PIP5K1C: variants seen among roughly 807,000 people sequenced by gnomAD.
PIP5K1C encodes phosphatidylinositol 4-phosphate 5-kinase type-1 gamma.
In PIP5K1C, 45 loss-of-function variants were observed where a neutral mutation model predicts 80.1. That is an observed-to-expected ratio of 0.56 (90% CI 0.44 to 0.72). The LOEUF is 0.72. Among genes scored for constraint, PIP5K1C ranks in the 30% least tolerant of loss-of-function variants. The probability of loss-of-function intolerance (pLI) is 0.00; values close to 1 mark genes in which losing one functional copy is unlikely to be tolerated. For missense variants in PIP5K1C, 753 were observed against 954.6 expected (o/e 0.79, Z 2.78); for synonymous variants, 498 against 420.1 (o/e 1.19, Z -2.27).
chr19:3,698,026 C>T (rs568608802), intron 1 of PIP5K1C, among the ~76,000 whole-genome samples: 1 of 152,372 alleles, frequency 6.6e-6, no homozygotes, highest in East Asian at 1.9e-4. Context: ...AGGACGATGA[C>T]ACTGGGAGCT....
chr19:3,640,509 C>T (rs2033916188), intron 15 of PIP5K1C, among the ~76,000 whole-genome samples: 1 of 152,144 alleles, frequency 6.6e-6, no homozygotes, highest in African/African-American at 2.4e-5. Context: ...GAGCGAGATT[C>T]TGTCTCAAAG....
chr19:3,675,788 G>A (rs553798363), intron 1 of PIP5K1C, among the ~76,000 whole-genome samples: 21 of 152,278 alleles, frequency 1.4e-4, no homozygotes, highest in African/African-American at 4.3e-4. Context: ...GGCCGTCCTG[G>A]GCACTGCAGG....
intron 5 of PIP5K1C, among the ~76,000 whole-genome samples, chr19:3,660,163 G>T (rs1397208939): frequency 6.6e-6 from 1 of 152,174 alleles, no homozygotes; most frequent in Non-Finnish European, 1.5e-5. Flanking sequence ...GGCAGATCAC[G>T]AGGTCAGGAG....
rs967275074 is a variant in PIP5K1C at position 3,636,255 on chromosome 19, C to T, written c.1920+2629G>A. ...CACCCTCAGCCAGCAGCTGGGCAGA[C>T]AGGGGAAGTGGGGGGCAGTAGCAGC... On this transcript the variant is annotated intron_variant, in intron 16 of 17. Transcript: ENST00000335312. 1.5e-5 allele frequency: 6 copies of T among 390,406 alleles called. No homozygotes were observed. The Admixed American group carries it at 3.9e-4, about 25-fold the overall frequency. The allele number at this position is 390,406 out of a possible 1,614,324, so 24.2% of individuals were successfully genotyped here.
chr19:3,656,720 G>C (rs2034647275), intron 5 of PIP5K1C, among the ~76,000 whole-genome samples, 163 bp from the exon 6 acceptor site: 1 of 152,214 alleles, frequency 6.6e-6, no homozygotes, highest in South Asian at 2.1e-4. Flanking sequence ...CCTGAGGCTA[G>C]CCAGCAAGGA....
In PIP5K1C at chr19:3,633,157, TG is replaced by T; in HGVS notation, c.*9del. On this transcript the variant is annotated 3_prime_UTR_variant, in exon 18 of 18. Coordinates refer to ENST00000335312, the MANE Select transcript of PIP5K1C (RefSeq NM_012398.3). Reference sequence around the variant, plus strand: ...TGGAGCTCGGCTCTGGGTCGGGGGCTGCATAGAAATTACTGCAAGAGCAAGA... The same window carrying T: ...TGGAGCTCGGCTCTGGGTCGGGGGCTCATAGAAATTACTGCAAGAGCAAGA... The T allele has an allele frequency of 1.3e-6, 1 of 766,170 alleles. No individual in the cohort carries two copies. Among genetic ancestry groups the T allele is most frequent in the Non-Finnish European group, 2.4e-6 (1 of 411,842 alleles). 47.5% of individuals were successfully genotyped at this position (766,170 alleles called of 1,614,324 possible). A position where few individuals can be genotyped will look rare whatever the true frequency, so the allele number is the denominator to read the frequency against.
intron 1 of PIP5K1C, among the ~76,000 whole-genome samples, chr19:3,675,525 G>C (rs2035330993): frequency 6.6e-6 from 1 of 152,178 alleles, no homozygotes; most frequent in South Asian, 2.1e-4. Flanking sequence ...GTGAAACGCA[G>C]TAAACAGCAA....
At chr19:3,670,591 C>T (rs1178800925) in intron 1 of PIP5K1C, among the ~76,000 whole-genome samples, 6 of 152,276 alleles carry the variant, frequency 3.9e-5, no homozygotes. Context: ...AGGCCTGCTG[C>T]TCCAAGCCCC....
At chr19:3,665,108 G>A (rs2034966971) in intron 2 of PIP5K1C, among the ~76,000 whole-genome samples, 194 bp from the exon 3 acceptor site, 1 of 152,174 alleles carries the variant, frequency 6.6e-6, no homozygotes, top group African/African-American at 2.4e-5. Context: ...GCTGGCTGGG[G>A]CCCCTCAGTG....
chr19:3,650,554 G>A (rs1297101888), intron 8 of PIP5K1C, among the ~76,000 whole-genome samples: 1 of 152,206 alleles, frequency 6.6e-6, no homozygotes, highest in African/African-American at 2.4e-5. Context: ...GCAGTGCCCA[G>A]GACAGCCCCA....
Position 3,656,388 on chromosome 19 carries a change from C to A in PIP5K1C, c.621+17G>T. ...GTTGACCGAGGAGCCATCTGCCCCG[C>A]AGGGCGGGCCACGCACCATGTAGTA... is the stretch of plus-strand genomic sequence containing the variant. On this transcript the variant is annotated intron_variant, in intron 6 of 17. Transcript: ENST00000335312. 6.2e-7 allele frequency: 1 copy of A among 1,612,936 alleles called. No individual in the cohort carries two copies. The highest frequency in any genetic ancestry group is 8.5e-7 in the Non-Finnish European group (1 of 1,179,948).
At chr19:3,660,892 G>C in intron 5 of PIP5K1C, 74 bp downstream of exon 5, 1 of 1,242,712 alleles carries the variant, frequency 8.0e-7, no homozygotes, top group Non-Finnish European at 1.2e-6. Context: ...CCAAATGCCT[G>C]ACCCACAGAC....
At chr19:3,669,419 G>A (rs1295401314) in intron 1 of PIP5K1C, among the ~76,000 whole-genome samples, 1 of 152,230 alleles carries the variant, frequency 6.6e-6, no homozygotes, top group East Asian at 1.9e-4. Context: ...GCAGACAGGT[G>A]AGGAGGTGGG....
intron 1 of PIP5K1C, among the ~76,000 whole-genome samples, chr19:3,678,626 AGATGGAAGGATGGAGG>A (rs2035486890): frequency 1.4e-5 from 1 of 72,338 alleles, no homozygotes; most frequent in Non-Finnish European, 2.7e-5. Context: ...AGGGATGGAG[AGATGGAAGGATGGAGG>A]GAGAGATGGA....
chr19:3,674,502 AC>A (rs550006818), intron 1 of PIP5K1C, among the ~76,000 whole-genome samples: 103 of 149,898 alleles, frequency 6.9e-4, no homozygotes, highest in African/African-American at 2.5e-3. Context: ...ATCTCGGCTC[AC>A]TACAGCCTCC....
At chr19:3,679,275 C>T (rs1339122316) in intron 1 of PIP5K1C, among the ~76,000 whole-genome samples, 4 of 152,038 alleles carry the variant, frequency 2.6e-5, no homozygotes, top group African/African-American at 9.7e-5. Flanking sequence ...TGGGCCGGGC[C>T]CTGTGCCCAG....
Position 3,651,827 on chromosome 19 carries a change from T to C in PIP5K1C, c.1126A>G (p.Thr376Ala), listed in dbSNP as rs1184896514. The change falls in exon 8 of 18, where the codon ACG becomes GCG. Residue 376 changes from threonine (T) to alanine (A), a missense_variant and splice_region_variant. By Grantham distance (58) the Thr-to-Ala change is moderately conservative. Around this residue, in one of 6 missense-constraint regions of PIP5K1C, gnomAD observed 114 missense variants for 152.4 expected, o/e 0.75. Coordinates refer to ENST00000335312, the MANE Select transcript of PIP5K1C (RefSeq NM_012398.3). ...TCCGGCGGCCCCCCGCCCACCTACG[T>C]GTCATCCGATTCGATGGCCTCCCCG... is the stretch of plus-strand genomic sequence containing the variant. ...ARGEAIESDD[T>A]MGGIPAVNGR... 6 of 1,611,158 alleles carry C rather than the reference T, an allele frequency of 3.7e-6. No individual in the cohort carries two copies. The highest frequency in any genetic ancestry group is 1.1e-5 in the South Asian group (1 of 91,004).
chr19:3,634,571 C>A (rs1027119507), intron 16 of PIP5K1C, among the ~76,000 whole-genome samples: 1 of 152,256 alleles, frequency 6.6e-6, no homozygotes, highest in Non-Finnish European at 1.5e-5. Context: ...CAGTCCATCA[C>A]CCCAAGACCC....
chr19:3,638,131 G>A, intron 16 of PIP5K1C: 2 of 1,260,220 alleles, frequency 1.6e-6, no homozygotes, highest in Non-Finnish European at 2.1e-6. Context: ...CAAACCATCT[G>A]GGAAGTGGGC....
Sources: allele counts gnomAD v4.1 joint callset (sites outside exome capture counted in the v4.1 genomes callset), GRCh38; gene constraint gnomAD v4.1.1; regional missense constraint gnomAD v4.1.1; transcripts MANE v1.5; gene names NCBI Gene and HGNC (gene_info 2026-07-23, HGNC 2026-07-21).